Variants in PROSER2 observed in about 807,000 individuals in gnomAD.
The protein encoded by PROSER2 is proline and serine-rich protein 2.
A neutral mutation model predicts 14.6 loss-of-function variants in PROSER2; 18 were observed. That is an observed-to-expected ratio of 1.23 (90% CI 0.85 to 1.83). The LOEUF (loss-of-function observed/expected upper bound fraction) is 1.83. PROSER2 is among the 40% of genes most tolerant of loss of function. The pLI is 0.00. For synonymous variants in PROSER2, 367 were observed against 286.4 expected (o/e 1.28, Z -2.84); for missense variants, 823 against 629.8 (o/e 1.31, Z -3.28).
At position 11,869,953 on chromosome 10, in the gene PROSER2, G is replaced by A. The variant is rs1834438616; in HGVS notation, c.855G>A (p.Val285=). 2 of 1,458,410 alleles carry A rather than the reference G, an allele frequency of 1.4e-6. No individual in the cohort carries two copies. Among genetic ancestry groups the A allele is most frequent in the African/African-American group, 1.5e-5 (1 of 67,216 alleles). 90.3% of individuals were successfully genotyped at this position (1,458,410 alleles called of 1,614,324 possible). ...GCGTGCAGGAGCGCAGGGCGCAGGT[G>A]TTGGCCACCATCCACGGCCACGCCG... ...AVSVQERRAQ[V]LATIHGHAGA... Residue 285 remains valine, a synonymous_variant, in exon 4 of 4, where the codon GTG becomes GTA. Coordinates refer to ENST00000277570, the MANE Select transcript of PROSER2 (RefSeq NM_153256.4). This position sits in a 1 kb window ranked among gnomAD's most constrained non-coding sequence, Gnocchi z 4.4.
At chr10:11,844,800 T>TA (rs1356734875) in intron 1 of PROSER2, among the ~76,000 whole-genome samples, 1 of 152,164 alleles carries the variant, frequency 6.6e-6, no homozygotes, top group East Asian at 1.9e-4. Flanking sequence ...ACTTGTGTTT[T>TA]TACTAGAGAC....
intron 2 of PROSER2, among the ~76,000 whole-genome samples, chr10:11,864,200 C>T (rs1438600130): frequency 6.6e-6 from 1 of 152,176 alleles, no homozygotes; most frequent in African/African-American, 2.4e-5. Context: ...TGTATAGGAT[C>T]CTAGTTCACA....
chr10:11,845,473 A>T (rs1401798094), intron 1 of PROSER2, among the ~76,000 whole-genome samples: 1 of 152,214 alleles, frequency 6.6e-6, no homozygotes, highest in Admixed American at 6.5e-5. Flanking sequence ...CTGTGACTTG[A>T]TGTCTTTATC....
At chr10:11,852,415 G>A (rs1220533378) in intron 2 of PROSER2, among the ~76,000 whole-genome samples, 200 bp downstream of exon 2, 1 of 152,116 alleles carries the variant, frequency 6.6e-6, no homozygotes, top group African/African-American at 2.4e-5. Flanking sequence ...CCATAGCCAT[G>A]GAGCAAATCC....
chr10:11,857,743 T>TGAA (rs1554767520), intron 2 of PROSER2, among the ~76,000 whole-genome samples: 2 of 106,556 alleles, frequency 1.9e-5, no homozygotes, highest in Non-Finnish European at 3.5e-5. Flanking sequence ...AGACCCCATC[T>TGAA]AAAAAAAAAA....
intron 2 of PROSER2, among the ~76,000 whole-genome samples, chr10:11,859,868 G>A (rs1406052137): frequency 6.6e-6 from 1 of 152,230 alleles, no homozygotes; most frequent in Non-Finnish European, 1.5e-5. Flanking sequence ...CCCATTTGCA[G>A]TCACTGCCCA....
chr10:11,827,763 C>T (rs1359682889), intron 1 of PROSER2, among the ~76,000 whole-genome samples: 1 of 151,704 alleles, frequency 6.6e-6, no homozygotes, highest in Non-Finnish European at 1.5e-5. Context: ...ACTGCAGCCT[C>T]GACCTCCCAG....
intron 1 of PROSER2, chr10:11,849,926 G>A (rs758577761): frequency 1.3e-5 from 2 of 152,222 alleles, no homozygotes; most frequent in African/African-American, 4.8e-5. Context: ...GCCCTTTCTT[G>A]TGCTCTCTCT....
rs1834464849 is a variant in PROSER2, at chr10:11,870,510, G to A, written c.*104G>A. ...TTTGGTCTAAAATGGAAGTGACAGCGGGAGCCCCTGCCCTCTGTGGCACAT... is the reference window on the plus strand; with the variant it reads ...TTTGGTCTAAAATGGAAGTGACAGCAGGAGCCCCTGCCCTCTGTGGCACAT... On this transcript the variant is annotated 3_prime_UTR_variant, in exon 4 of 4. Transcript: ENST00000277570. 2.0e-6 allele frequency: 2 copies of A among 1,019,418 alleles called. No homozygotes were observed. Among genetic ancestry groups the A allele is most frequent in the African/African-American group, 1.7e-5 (1 of 58,144 alleles). The allele number at this position is 1,019,418 out of a possible 1,614,324, so 63.1% of individuals were successfully genotyped here. A position where few individuals can be genotyped will look rare whatever the true frequency, so the allele number is the denominator to read the frequency against.
chr10:11,844,173 A>G (rs1833891778), intron 1 of PROSER2, among the ~76,000 whole-genome samples: 1 of 151,942 alleles, frequency 6.6e-6, no homozygotes, highest in South Asian at 2.1e-4. Flanking sequence ...TAAATTTCTT[A>G]TAGAGATAAG....
chr10:11,855,640 C>T (rs1002441200), intron 2 of PROSER2, among the ~76,000 whole-genome samples: 4 of 151,962 alleles, frequency 2.6e-5, no homozygotes, highest in South Asian at 4.2e-4. Flanking sequence ...ATTTAAAAAG[C>T]GTCCAGGTTT....
At chr10:11,840,828 G>T (rs1239209086) in intron 1 of PROSER2, among the ~76,000 whole-genome samples, 1 of 149,788 alleles carries the variant, frequency 6.7e-6, no homozygotes, top group African/African-American at 2.5e-5. Context: ...GGGAGGCTGA[G>T]GCAGGAGAAT....
At chr10:11,868,479 C>T (rs1436580236) in intron 3 of PROSER2, among the ~76,000 whole-genome samples, 1 of 151,956 alleles carries the variant, frequency 6.6e-6, no homozygotes, top group Non-Finnish European at 1.5e-5. Context: ...ACTATGCAGC[C>T]CAGGCTGGTC....
At position 11,852,143 on chromosome 10, in the gene PROSER2, G is replaced by T; in HGVS notation, c.66G>T (p.Arg22Ser). ...ACTCAGACACGTCCCCCAGCTGCAGGCTCCGAGCCTTCAGCAGAGGCGGCA... is the reference window on the plus strand; with the variant it reads ...ACTCAGACACGTCCCCCAGCTGCAGTCTCCGAGCCTTCAGCAGAGGCGGCA... ...DMNSDTSPSC[R>S]LRAFSRGGSL... The change falls in exon 2 of 4, where the codon AGG (arginine) becomes AGT (serine). Residue 22 changes from arginine (R) to serine (S), a missense_variant. Transcript: ENST00000277570. 6.2e-7 allele frequency: 1 copy of T among 1,613,540 alleles called. No homozygotes were observed. The highest frequency in any genetic ancestry group is 2.2e-5 in the East Asian group (1 of 44,836).
Position 11,870,430 on chromosome 10 carries a change from C to G in PROSER2, c.*24C>G. The G allele has an allele frequency of 1.4e-6, 2 of 1,446,990 alleles. No individual in the cohort carries two copies. Among genetic ancestry groups the G allele is most frequent in the Non-Finnish European group, 1.8e-6 (2 of 1,101,474 alleles). The allele number at this position is 1,446,990 out of a possible 1,614,324, so 89.6% of individuals were successfully genotyped here. On this transcript the variant is annotated 3_prime_UTR_variant, in exon 4 of 4. Transcript: ENST00000277570. ...GAGGGCCGCGCGGGCTCCAGTCCAC[C>G]CCGTTTCTCCCCACCCTGAAGAGAG...
intron 1 of PROSER2, among the ~76,000 whole-genome samples, chr10:11,843,738 G>A (rs928950415): frequency 1.3e-5 from 2 of 151,348 alleles, no homozygotes; most frequent in Non-Finnish European, 2.9e-5. Flanking sequence ...TGCAATCCCA[G>A]CTACTTGGGA....
intron 1 of PROSER2, among the ~76,000 whole-genome samples, chr10:11,839,259 T>C (rs1833802852): frequency 6.6e-6 from 1 of 152,112 alleles, no homozygotes. Flanking sequence ...ATATGAAAAG[T>C]GGAACCATAA....
chr10:11,849,733 AGAG>A (rs1336355961), intron 1 of PROSER2: 1 of 152,386 alleles, frequency 6.6e-6, no homozygotes, highest in Non-Finnish European at 1.5e-5. Context: ...GCAGAAGTGT[AGAG>A]AAGAGGGAGA....
intron 1 of PROSER2, among the ~76,000 whole-genome samples, chr10:11,846,604 G>A (rs959454143): frequency 6.6e-6 from 1 of 152,028 alleles, no homozygotes; most frequent in Non-Finnish European, 1.5e-5. Context: ...TTTTTAGGTC[G>A]ATAGCATTTC....
Sources: gnomAD v4.1 joint callset for allele counts (sites outside exome capture counted in the v4.1 genomes callset) on GRCh38, gnomAD v4.1.1 for gene constraint, Gnocchi (gnomAD v3.1) non-coding constraint, MANE v1.5 for transcripts, NCBI Gene and HGNC (gene_info 2026-07-23, HGNC 2026-07-21) for gene names.